Variants in ATP6V1A observed in about 807,000 individuals in gnomAD.
ATP6V1A encodes the protein V-type proton ATPase catalytic subunit A.
ATP6V1A carries 18 observed loss-of-function variants against 70.1 expected under a neutral mutation model. The ratio of observed to expected loss-of-function variants is 0.26; its 90% CI spans 0.18 to 0.38. The LOEUF (loss-of-function observed/expected upper bound fraction) is 0.38, where lower values mean the gene tolerates loss of function less well. Ranked by LOEUF, ATP6V1A falls within the 10% of genes least tolerant of loss-of-function variation. ATP6V1A has a pLI of 1.00. For missense variants in ATP6V1A, 424 were observed against 772.4 expected (o/e 0.55, Z 5.35); for synonymous variants, 232 against 253.8 (o/e 0.91, Z 0.82).
chr3:113,784,870 C>T, intron 5 of ATP6V1A, 37 bp downstream of exon 5: 1 of 1,600,362 alleles, frequency 6.2e-7, no homozygotes, highest in Non-Finnish European at 8.5e-7. Context: ...CAGAGTGCCT[C>T]TATTTCTATA....
At chr3:113,784,174 AT>A in intron 3 of ATP6V1A, 49 bp from the exon 4 acceptor site, 1 of 1,526,602 alleles carries the variant, frequency 6.6e-7, no homozygotes, top group Non-Finnish European at 9.1e-7. Context: ...TTTCCTGTTA[AT>A]TGTGTCTTTA....
chr3:113,748,247 A>G (rs1395893099), intron 1 of ATP6V1A, among the ~76,000 whole-genome samples: 2 of 152,172 alleles, frequency 1.3e-5, no homozygotes, highest in African/African-American at 2.4e-5. Context: ...AAGTACTCCC[A>G]TTCCGTCCAT....
intron 1 of ATP6V1A, among the ~76,000 whole-genome samples, chr3:113,757,813 C>G (rs918979805): frequency 2.6e-5 from 4 of 152,180 alleles, no homozygotes; most frequent in African/African-American, 9.7e-5. Context: ...TTAAAATTCT[C>G]TTAACAAATT....
chr3:113,783,393 G>A (rs1709002306), intron 3 of ATP6V1A, among the ~76,000 whole-genome samples: 1 of 152,096 alleles, frequency 6.6e-6, no homozygotes, highest in African/African-American at 2.4e-5. Flanking sequence ...GAATAAAGTG[G>A]ACTCATTATG....
chr3:113,756,940 C>A (rs1057284734), intron 1 of ATP6V1A, among the ~76,000 whole-genome samples: 5 of 152,070 alleles, frequency 3.3e-5, no homozygotes, highest in African/African-American at 4.8e-5. Flanking sequence ...GAGTCCTAGT[C>A]GTAGGTAATG....
At chr3:113,762,570 A>G (rs1708717754) in intron 1 of ATP6V1A, among the ~76,000 whole-genome samples, 1 of 150,452 alleles carries the variant, frequency 6.6e-6, no homozygotes, top group Non-Finnish European at 1.5e-5. Flanking sequence ...CTCCATCTCA[A>G]AAAAAAAAAT....
At chr3:113,749,263 TCACACACACACACACA>T (rs58516178) in intron 1 of ATP6V1A, among the ~76,000 whole-genome samples, 22 of 141,260 alleles carry the variant, frequency 1.6e-4, no homozygotes, top group African/African-American at 2.6e-4. Context: ...TATACACAGA[TCACACACACACACACA>T]CACACACACA....
At chr3:113,753,206 A>G (rs546560668) in intron 1 of ATP6V1A, among the ~76,000 whole-genome samples, 1 of 152,344 alleles carries the variant, frequency 6.6e-6, no homozygotes, top group East Asian at 1.9e-4. Context: ...AACAAACAGT[A>G]AAGGATGTGT....
At chr3:113,766,761 C>T (rs1421358136) in intron 1 of ATP6V1A, among the ~76,000 whole-genome samples, 1 of 152,168 alleles carries the variant, frequency 6.6e-6, no homozygotes, top group Non-Finnish European at 1.5e-5. Context: ...GCTTTCTTTT[C>T]TAAAAATGGT....
intron 2 of ATP6V1A, 88 bp downstream of exon 2, chr3:113,778,923 T>C: frequency 2.3e-6 from 2 of 878,034 alleles, no homozygotes; most frequent in East Asian, 3.0e-5. Context: ...TATACAACTT[T>C]CTGTTTACCT....
intron 1 of ATP6V1A, among the ~76,000 whole-genome samples, chr3:113,766,336 C>T (rs1418245349): frequency 2.6e-5 from 4 of 152,108 alleles, no homozygotes; most frequent in Non-Finnish European, 4.4e-5. Flanking sequence ...CGCTCTGTCA[C>T]CCAGGCTGGA....
At chr3:113,762,771 TG>T (rs998957869) in intron 1 of ATP6V1A, among the ~76,000 whole-genome samples, 11 of 151,722 alleles carry the variant, frequency 7.3e-5, no homozygotes, top group South Asian at 2.1e-4. Flanking sequence ...GTACATTTTG[TG>T]GGGGGGGAAT....
chr3:113,760,899 T>C (rs933393318), intron 1 of ATP6V1A, among the ~76,000 whole-genome samples: 25 of 151,366 alleles, frequency 1.7e-4, no homozygotes, highest in African/African-American at 6.1e-4. Flanking sequence ...AAACTCTGTC[T>C]CTACTAAACA....
At chr3:113,805,646 G>T in intron 14 of ATP6V1A, 121 bp downstream of exon 14, 1 of 961,062 alleles carries the variant, frequency 1.0e-6, no homozygotes, top group Non-Finnish European at 1.5e-6. Context: ...TTGTCTCACT[G>T]CAACCTCTGC....
chr3:113,753,896 C>G (rs1708618223), intron 1 of ATP6V1A, among the ~76,000 whole-genome samples: 1 of 151,530 alleles, frequency 6.6e-6, no homozygotes, highest in African/African-American at 2.4e-5. Context: ...GGGGTTTCAC[C>G]TTATTGCCCA....
intron 12 of ATP6V1A, chr3:113,803,353 ACCTAACACTGTTACAC>A (rs1709237115): frequency 4.6e-6 from 2 of 431,680 alleles, no homozygotes; most frequent in Non-Finnish European, 8.3e-6. Context: ...ATGTGAGTAT[ACCTAACACTGTTACAC>A]TGTATAATTA....
intron 14 of ATP6V1A, among the ~76,000 whole-genome samples, chr3:113,807,810 A>T (rs1003977510): frequency 2.0e-5 from 3 of 152,068 alleles, no homozygotes; most frequent in Admixed American, 6.6e-5. Flanking sequence ...CTGGAGAGTA[A>T]TATTTTTCTA....
intron 6 of ATP6V1A, 22 bp downstream of exon 6, chr3:113,786,405 C>T (rs778209280): frequency 3.4e-5 from 54 of 1,610,566 alleles, no homozygotes; most frequent in Middle Eastern, 1.6e-4. Flanking sequence ...ATGTGTCCCA[C>T]GATTTTCCCT....
At chr3:113,796,678 A>G (rs1465008104) in intron 11 of ATP6V1A, among the ~76,000 whole-genome samples, 1 of 152,234 alleles carries the variant, frequency 6.6e-6, no homozygotes, top group Admixed American at 6.5e-5. Context: ...TATATTATTC[A>G]TGTGGGAAAA....
Sources: gnomAD v4.1 joint callset for allele counts (sites outside exome capture counted in the v4.1 genomes callset) on GRCh38, gnomAD v4.1.1 for gene constraint, MANE v1.5 for transcripts, NCBI Gene and HGNC (gene_info 2026-07-23, HGNC 2026-07-21) for gene names.